FANCD2: variants seen among roughly 807,000 people sequenced by gnomAD.
FANCD2 encodes the protein Fanconi anemia group D2 protein.
FANCD2 carries 131 observed loss-of-function variants against 192.3 expected under a neutral mutation model. That is an observed-to-expected ratio of 0.68 (90% CI 0.59 to 0.79). FANCD2 has a LOEUF of 0.79. Among genes scored for constraint, FANCD2 ranks in the 30% least tolerant of loss-of-function variants. The pLI is 0.00. For missense variants in FANCD2, 1,508 were observed against 1,701.6 expected (o/e 0.89, Z 2.00); for synonymous variants, 524 against 612.5 (o/e 0.86, Z 2.13).
chr3:10,054,629 G>A (rs1441708523), intron 18 of FANCD2, among the ~76,000 whole-genome samples: 5 of 146,418 alleles, frequency 3.4e-5, no homozygotes, highest in South Asian at 2.1e-4. Flanking sequence ...GACTACAGGC[G>A]CCCGCCACCA....
chr3:10,039,335 T>G lies in FANCD2; in HGVS notation c.548T>G (p.Leu183Arg). The part of the protein sequence containing the change: ...PRLIVSQLKW[L>R]DRVVDGKDLT... ...CTCATTGTCAGTCAACTAAAATGGC[T>G]TGACAGAGTTGTGGATGGCAAGGTA... Residue 183 changes from leucine to arginine, a missense_variant, in exon 8 of 44, where the codon CTT becomes CGT. Physicochemically the swap from Leu to Arg is moderately radical, Grantham distance 102. This residue lies in a region of FANCD2 where 435 missense variants were observed against 421.9 expected (regional missense o/e 1.03). Coordinates refer to ENST00000675286, the MANE Select transcript of FANCD2 (RefSeq NM_001018115.3). 6.2e-7 allele frequency: 1 copy of G among 1,613,756 alleles called. No homozygotes were observed.
intron 2 of FANCD2, among the ~76,000 whole-genome samples, chr3:10,031,543 G>C (rs2086604004): frequency 6.6e-6 from 1 of 151,418 alleles, no homozygotes; most frequent in African/African-American, 2.4e-5. Context: ...ATTGAAGAAG[G>C]AAAAAACAAA....
At chr3:10,039,224 C>A in intron 7 of FANCD2, 55 bp from the exon 8 acceptor site, 1 of 1,292,348 alleles carries the variant, frequency 7.7e-7, no homozygotes, top group Non-Finnish European at 1.1e-6. Flanking sequence ...TTAATGCTTG[C>A]TGTTATTTTG....
At chr3:10,089,957 G>A (rs1256243794) in intron 36 of FANCD2, among the ~76,000 whole-genome samples, 1 of 152,144 alleles carries the variant, frequency 6.6e-6, no homozygotes, top group Non-Finnish European at 1.5e-5. Flanking sequence ...TTTTACTGCT[G>A]AGGAAAATGA....
chr3:10,071,022 A>C (rs2125045157), intron 26 of FANCD2, among the ~76,000 whole-genome samples: 1 of 147,668 alleles, frequency 6.8e-6, no homozygotes, highest in East Asian at 2.0e-4. Context: ...GCCTAGGAAA[A>C]CCAGAGACCT....
intron 17 of FANCD2, among the ~76,000 whole-genome samples, chr3:10,051,592 C>T (rs1208664853): frequency 2.6e-5 from 4 of 151,346 alleles, no homozygotes; most frequent in African/African-American, 7.3e-5. Context: ...GAGTCAATGT[C>T]GAGAAGCATC....
intron 41 of FANCD2, among the ~76,000 whole-genome samples, chr3:10,095,543 G>A (rs1465534742): frequency 1.3e-5 from 2 of 152,206 alleles, no homozygotes; most frequent in African/African-American, 2.4e-5. Context: ...GCTGGTATAT[G>A]TTTACTTCTG....
At position 10,067,279 on chromosome 3, in the gene FANCD2, T is replaced by C. The variant is rs1440449359; in HGVS notation, c.2456T>C (p.Ile819Thr). The C allele has an allele frequency of 1.2e-6, 2 of 1,613,562 alleles. No homozygotes were observed. The highest frequency in any genetic ancestry group is 1.7e-6 in the Non-Finnish European group (2 of 1,179,530). The change falls in exon 26 of 44, where the codon ATT becomes ACT. Residue 819 changes from isoleucine to threonine, a missense_variant. This residue lies in a region of FANCD2 where 796 missense variants were observed against 879.4 expected (regional missense o/e 0.91). Coordinates refer to ENST00000675286, the MANE Select transcript of FANCD2 (RefSeq NM_001018115.3). ...AAGGTGCTCACTCGGTTAAAGCACATTGTAGAATTGCAAATAATCCTGGAA... is the reference window on the plus strand; with the variant it reads ...AAGGTGCTCACTCGGTTAAAGCACACTGTAGAATTGCAAATAATCCTGGAA... ...KGKVLTRLKH[I>T]VELQIILEKY...
chr3:10,053,676 GAGTACATAGCCAT>G (rs1263699095), intron 18 of FANCD2, among the ~76,000 whole-genome samples: 5 of 150,782 alleles, frequency 3.3e-5, no homozygotes, highest in African/African-American at 9.7e-5. Context: ...AGTGGAAATG[GAGTACATAGCCAT>G]AGTACTAGCA....
intron 18 of FANCD2, among the ~76,000 whole-genome samples, chr3:10,055,684 C>T (rs1220061635): frequency 6.6e-6 from 1 of 151,860 alleles, no homozygotes; most frequent in Non-Finnish European, 1.5e-5. Context: ...TGGTGGCAGG[C>T]GCCTATAGTC....
intron 26 of FANCD2, among the ~76,000 whole-genome samples, chr3:10,068,964 C>G (rs1016621480): frequency 1.3e-5 from 2 of 152,180 alleles, no homozygotes; most frequent in African/African-American, 4.8e-5. Context: ...AACTAGACCC[C>G]TATCTCTTGC....
At chr3:10,085,052 T>A (rs567564558) in intron 32 of FANCD2, among the ~76,000 whole-genome samples, 1 of 152,298 alleles carries the variant, frequency 6.6e-6, no homozygotes, top group East Asian at 1.9e-4. Context: ...AAGATAGAAA[T>A]GTCAAGACTT....
intron 30 of FANCD2, among the ~76,000 whole-genome samples, chr3:10,079,397 T>G (rs1693705356): frequency 6.6e-6 from 1 of 152,148 alleles, no homozygotes; most frequent in African/African-American, 2.4e-5. Context: ...CTCTGCCTCC[T>G]GGGTTCAAGC....
chr3:10,040,459 C>T (rs912603674), intron 9 of FANCD2: 10 of 454,910 alleles, frequency 2.2e-5, no homozygotes, highest in African/African-American at 4.0e-5. Context: ...ACTTGTTCTT[C>T]AGGGGGTCCT....
chr3:10,089,207 C>T (rs772315142), intron 36 of FANCD2, among the ~76,000 whole-genome samples: 2 of 151,960 alleles, frequency 1.3e-5, no homozygotes, highest in Non-Finnish European at 1.5e-5. Context: ...ATTGCTTGAA[C>T]CTGGGAGGCG....
chr3:10,081,438 G>T lies in FANCD2; in HGVS notation c.3198G>T (p.Leu1066=). 1 of 1,613,796 alleles carries T rather than the reference G, an allele frequency of 6.2e-7. No individual in the cohort carries two copies. The highest frequency in any genetic ancestry group is 8.5e-7 in the Non-Finnish European group (1 of 1,179,682). Residue 1066 remains leucine, a synonymous_variant, in exon 32 of 44, where the codon CTG becomes CTT. Transcript: ENST00000675286. ...TGTCTTCCTGCTATCAGAGGCTGCT[G>T]CAGATTTTTCATGGGCTTTTTGCTT... ...HIMSSCYQRL[L]QIFHGLFAWS... is the part of the protein sequence containing the mutation.
intron 18 of FANCD2, among the ~76,000 whole-genome samples, chr3:10,057,693 C>T (rs1412676515): frequency 6.6e-6 from 1 of 152,104 alleles, no homozygotes; most frequent in Non-Finnish European, 1.5e-5. Flanking sequence ...CACTCACCAT[C>T]TTTGTGAAAA....
rs775517107 is a variant in FANCD2 at position 10,092,201 on chromosome 3, CT to C, written c.3799del (p.Tyr1267ThrfsTer15). The C allele has an allele frequency of 2.7e-5, 43 of 1,614,014 alleles. No individual in the cohort carries two copies. The highest frequency in any genetic ancestry group is 3.6e-5 in the Non-Finnish European group (43 of 1,179,866). On this transcript the variant is annotated frameshift_variant, in exon 38 of 44. Coordinates refer to ENST00000675286, the MANE Select transcript of FANCD2 (RefSeq NM_001018115.3). LOFTEE classifies it high-confidence loss of function. ...SQQIHEEKLL[Y>X]WNMAVRDFSI... The stretch of plus-strand genomic sequence containing the variant: ...CCCAGATTCATGAAGAGAAACTCCT[CT>C]ACTGGAACATGGCTGTTCGAGACTT...
Position 10,072,869 on chromosome 3 carries a change from A to G in FANCD2, c.2495-2A>G, listed in dbSNP as rs1252959923. On this transcript the variant is annotated splice_acceptor_variant, in intron 26 of 43. Coordinates refer to ENST00000675286, the MANE Select transcript of FANCD2 (RefSeq NM_001018115.3). LOFTEE classifies it high-confidence loss of function. Reference sequence around the variant, plus strand: ...TGAGCTTCAGCCTGCTGTTTGTTTCAGTCACCCCAGACTATGTCCCTCCTC... The same window carrying G: ...TGAGCTTCAGCCTGCTGTTTGTTTCGGTCACCCCAGACTATGTCCCTCCTC... 6.5e-7 allele frequency: 1 copy of G among 1,546,486 alleles called. No individual in the cohort carries two copies. Among genetic ancestry groups the G allele is most frequent in the Non-Finnish European group, 8.9e-7 (1 of 1,119,732 alleles).
Sources: gnomAD v4.1 joint callset for allele counts (sites outside exome capture counted in the v4.1 genomes callset) on GRCh38, gnomAD v4.1.1 for gene constraint, gnomAD v4.1.1 regional missense constraint, MANE v1.5 for transcripts, NCBI Gene and HGNC (gene_info 2026-07-23, HGNC 2026-07-21) for gene names.